The following ANK2 variants were observed in gnomAD, a reference collection of about 807,000 sequenced individuals.
The protein encoded by ANK2 is ankyrin 2, also known as ankyrin-2.
A neutral mutation model predicts 360.5 loss-of-function variants in ANK2; 83 were observed. The observed-to-expected ratio is 0.23, with a 90% confidence interval of 0.19 to 0.28. ANK2 has a LOEUF of 0.28. ANK2 is among the 10% of genes least tolerant of loss of function. The probability of loss-of-function intolerance (pLI) is 1.00; values close to 1 mark genes in which losing one functional copy is unlikely to be tolerated. For missense variants in ANK2, 4,201 were observed against 4,795.7 expected (o/e 0.88, Z 3.66); for synonymous variants, 1,740 against 1,759.5 (o/e 0.99, Z 0.28).
At chr4:113,318,771 A>T (rs1255273189) in intron 26 of ANK2, 151 bp downstream of exon 26, 5 of 686,038 alleles carry the variant, frequency 7.3e-6, no homozygotes, top group Non-Finnish European at 1.0e-5. Context: ...TTTATCCAAC[A>T]TGGACTCTAT....
chr4:112,754,526 G>A, the ANK2 span, among the ~76,000 whole-genome samples: 3 of 146,442 alleles, frequency 2.0e-5, no homozygotes, highest in Admixed American at 6.9e-5. Flanking sequence ...TTGGGGGGGC[G>A]TGTATTATGT....
intron 1 of ANK2, among the ~76,000 whole-genome samples, chr4:113,138,239 C>T (rs913136171): frequency 2.6e-5 from 4 of 152,074 alleles, no homozygotes; most frequent in Non-Finnish European, 4.4e-5. Context: ...CTAAGTTTTC[C>T]GTCTTTGAAA....
chr4:113,135,299 T>C (rs1468256237), intron 1 of ANK2, among the ~76,000 whole-genome samples: 1 of 151,966 alleles, frequency 6.6e-6, no homozygotes, highest in Non-Finnish European at 1.5e-5. Context: ...TAAAGGTAAT[T>C]AAAGTAAAGT....
At chr4:113,013,450 C>A (rs181928331) in intron 2 of ANK2, among the ~76,000 whole-genome samples, 1 of 152,066 alleles carries the variant, frequency 6.6e-6, no homozygotes, top group Admixed American at 6.6e-5. Flanking sequence ...GTATTTATGT[C>A]TTTCTCAAAA....
intron 1 of ANK2, 57 bp downstream of exon 1, chr4:113,049,869 G>A (rs1278667355): frequency 1.6e-5 from 26 of 1,586,386 alleles, no homozygotes; most frequent in Non-Finnish European, 2.2e-5. Context: ...GTGCATGTGT[G>A]AGTGTGTAAT....
chr4:112,991,630 T>C (rs1183690471), intron 2 of ANK2, among the ~76,000 whole-genome samples: 1 of 150,410 alleles, frequency 6.6e-6, no homozygotes, highest in Non-Finnish European at 1.5e-5. Context: ...TTTTTTTTTT[T>C]TTTTTGCAAT....
At position 113,357,848 on chromosome 4, in the gene ANK2, G is replaced by T; in HGVS notation, c.9230G>T (p.Gly3077Val). 1.2e-6 allele frequency: 2 copies of T among 1,613,988 alleles called. No individual in the cohort carries two copies. The highest frequency in any genetic ancestry group is 3.3e-4 in the Middle Eastern group (2 of 6,058). Residue 3077 changes from glycine (G) to valine (V), a missense_variant, in exon 38 of 46, where the codon GGT becomes GTT. Around this residue, in one of 4 missense-constraint regions of ANK2, gnomAD observed 2,642 missense variants for 2,714.5 expected, o/e 0.97. Transcript: ENST00000357077. ...TTGATGGTAGACAGACAATCACAGG[G>T]TACCACCCCTGACACCACTCCTGCT... ...FGLMVDRQSQ[G>V]TTPDTTPART... is the part of the protein sequence containing the mutation.
chr4:112,744,010 G>A, the ANK2 span, among the ~76,000 whole-genome samples: 89,341 of 151,458 alleles, frequency 0.59, 27,043 homozygotes, highest in East Asian at 0.92. Context: ...TTTTGTATTT[G>A]TTTTTTTAGT....
intron 2 of ANK2, among the ~76,000 whole-genome samples, chr4:112,955,541 GT>G (rs570921583): frequency 0.029 from 4,160 of 145,080 alleles, 83 homozygotes; most frequent in Non-Finnish European, 0.041. Context: ...AAAAAAGGTT[GT>G]TTTTTTTTTT....
At chr4:113,160,831 A>G (rs1443277173) in intron 1 of ANK2, among the ~76,000 whole-genome samples, 1 of 152,196 alleles carries the variant, frequency 6.6e-6, no homozygotes, top group Non-Finnish European at 1.5e-5. Flanking sequence ...ATATTTATAA[A>G]CGATTGAATG....
At chr4:112,962,211 G>A (rs952259176) in intron 2 of ANK2, among the ~76,000 whole-genome samples, 1 of 152,014 alleles carries the variant, frequency 6.6e-6, no homozygotes, top group African/African-American at 2.4e-5. Context: ...CTACCCTCTA[G>A]TAGTCTGCAG....
intron 1 of ANK2, among the ~76,000 whole-genome samples, chr4:112,888,233 C>A (rs560693266): frequency 6.6e-6 from 1 of 152,116 alleles, no homozygotes; most frequent in East Asian, 1.9e-4. Flanking sequence ...GGAGGCTTGT[C>A]TAGCTATATA....
chr4:112,777,992 G>A, the ANK2 span, among the ~76,000 whole-genome samples: 4 of 147,010 alleles, frequency 2.7e-5, no homozygotes, highest in South Asian at 2.2e-4. Context: ...TTTTTGAGAC[G>A]GAGTTTTGCT....
intron 1 of ANK2, among the ~76,000 whole-genome samples, chr4:113,068,887 C>A (rs2076543365): frequency 6.6e-6 from 1 of 151,772 alleles, no homozygotes; most frequent in Non-Finnish European, 1.5e-5. Flanking sequence ...ATAGTGAGAC[C>A]CTCATCTGTA....
chr4:113,214,612 T>C (rs943415781), intron 4 of ANK2, among the ~76,000 whole-genome samples: 3 of 152,162 alleles, frequency 2.0e-5, no homozygotes, highest in African/African-American at 7.2e-5. Flanking sequence ...GCCTAAAGGT[T>C]GACATGAATC....
chr4:112,998,205 G>T (rs368872684), intron 2 of ANK2, among the ~76,000 whole-genome samples: 31 of 152,070 alleles, frequency 2.0e-4, no homozygotes, highest in African/African-American at 7.2e-4. Context: ...AGGTACATTT[G>T]CCTGTTTTGC....
chr4:112,990,734 G>T (rs12512809), intron 2 of ANK2, among the ~76,000 whole-genome samples: 12,767 of 152,172 alleles, frequency 0.084, 631 homozygotes, highest in Admixed American at 0.17. Context: ...TATGCTCAGA[G>T]CACCAGGATT....
rs118153526 is a variant in ANK2, at chr4:113,058,142, C to T, written c.84+8330C>T. On this transcript the variant is annotated intron_variant, in intron 1 of 45. Transcript: ENST00000357077. ...CCATTTCACTTCTGGCCACCTTTCA[C>T]ATCCTACTTACAAAATAAGCACAAT... is the stretch of plus-strand genomic sequence containing the variant. Among the ~76,000 whole-genome samples the T allele has an allele frequency of 2.5e-3, 378 of 152,268 alleles. 5 individuals carry two copies. The highest frequency in any genetic ancestry group is 0.02 in the East Asian group (104 of 5,182).
intron 1 of ANK2, among the ~76,000 whole-genome samples, chr4:113,107,846 G>A (rs1032912): frequency 0.21 from 31,373 of 151,984 alleles, 3,347 homozygotes; most frequent in African/African-American, 0.24. Context: ...TAAAGGTGAA[G>A]TAATGCACCC....
Sources: gnomAD v4.1 joint callset for allele counts (sites outside exome capture counted in the v4.1 genomes callset) on GRCh38, gnomAD v4.1.1 for gene constraint, gnomAD v4.1.1 regional missense constraint, MANE v1.5 for transcripts, NCBI Gene and HGNC (gene_info 2026-07-23, HGNC 2026-07-21) for gene names.